The following HPSE variants were observed in gnomAD, a reference collection of about 807,000 sequenced individuals.
The protein encoded by HPSE is heparanase.
In HPSE, 48 loss-of-function variants were observed where a neutral mutation model predicts 65.1. That is an observed-to-expected ratio of 0.74 (90% confidence interval 0.58 to 0.94). HPSE has a LOEUF of 0.94. Among genes scored for constraint, HPSE ranks in the 40% least tolerant of loss-of-function variants. The pLI, the probability that HPSE is intolerant of heterozygous loss-of-function variation, is 0.00. For synonymous variants in HPSE, 243 were observed against 260.0 expected (o/e 0.93, Z 0.63); for missense variants, 644 against 637.5 (o/e 1.01, Z -0.11).
chr4:83,312,296 T>C (rs6535458), intron 4 of HPSE, among the ~76,000 whole-genome samples: 121,256 of 152,164 alleles, frequency 0.8, 48,462 homozygotes, highest in East Asian at 0.87. Context: ...ATAAATACAG[T>C]AGGAGTTTCT....
chr4:83,303,125 T>C (rs1386963952), intron 9 of HPSE, among the ~76,000 whole-genome samples: 1 of 123,082 alleles, frequency 8.1e-6, no homozygotes, highest in African/African-American at 2.9e-5. Context: ...CAGAAGCAGA[T>C]AATAAAGAAT....
intron 1 of HPSE, among the ~76,000 whole-genome samples, chr4:83,327,359 C>T (rs1443427456): frequency 6.6e-6 from 1 of 152,122 alleles, no homozygotes; most frequent in Non-Finnish European, 1.5e-5. Context: ...TTGTTTGTCT[C>T]CTTTGCAATG....
chr4:83,309,889 A>G, intron 6 of HPSE, 142 bp downstream of exon 6: 2 of 542,624 alleles, frequency 3.7e-6, no homozygotes, highest in Non-Finnish European at 6.6e-6. Flanking sequence ...TTAAAATTGG[A>G]GTACAGTGCT....
intron 3 of HPSE, among the ~76,000 whole-genome samples, chr4:83,319,003 A>C (rs1351291380): frequency 2.0e-5 from 3 of 152,126 alleles, no homozygotes; most frequent in African/African-American, 2.4e-5. Flanking sequence ...AATGATGTTC[A>C]TGTTTTGCCC....
At chr4:83,309,012 G>T in intron 7 of HPSE, 61 bp from the exon 8 acceptor site, 1 of 1,324,072 alleles carries the variant, frequency 7.6e-7, no homozygotes, top group Non-Finnish European at 1.1e-6. Context: ...TTTCAACTGT[G>T]GTGTTGAAGA....
At chr4:83,300,568 A>AAACTCTCTATT (rs1355408617) in intron 11 of HPSE, among the ~76,000 whole-genome samples, 19 of 86,160 alleles carry the variant, frequency 2.2e-4, no homozygotes, top group South Asian at 4.6e-4. Flanking sequence ...GAATTATTAC[A>AAACTCTCTATT]CTTTGGGAGG....
At chr4:83,310,269 T>A (rs1196918160) in intron 5 of HPSE, among the ~76,000 whole-genome samples, 191 bp from the exon 6 acceptor site, 1 of 152,164 alleles carries the variant, frequency 6.6e-6, no homozygotes, top group Non-Finnish European at 1.5e-5. Context: ...TCTGAACCCG[T>A]CAAAATTTCC....
intron 11 of HPSE, among the ~76,000 whole-genome samples, chr4:83,298,494 A>G (rs1578002217): frequency 6.6e-6 from 1 of 151,200 alleles, no homozygotes; most frequent in African/African-American, 2.4e-5. Context: ...AAAAAAACAG[A>G]TGTTCATTTA....
At chr4:83,309,283 G>C (rs1736273899) in intron 7 of HPSE, 119 bp downstream of exon 7, 1 of 637,912 alleles carries the variant, frequency 1.6e-6, no homozygotes, top group African/African-American at 1.9e-5. Flanking sequence ...ATAAGTCATA[G>C]TGCTTGTTCT....
rs144071619 is a variant in HPSE, at chr4:83,300,498, T to C, written c.1472+462A>G. ...GTGTTCACATCCTTTTGCTTTAGAC[T>C]CTTAGGGTGAGTTATACTCATATTA... On this transcript the variant is annotated intron_variant, in intron 11 of 11. Transcript: ENST00000311412. 1.8e-3 allele frequency among the ~76,000 whole-genome samples: 269 copies of C among 152,320 alleles called. 1 individual carries two copies. Among genetic ancestry groups the C allele is most frequent in the African/African-American group, 4.7e-3 (196 of 41,566 alleles).
chr4:83,302,433 G>C (rs559150111), intron 9 of HPSE, among the ~76,000 whole-genome samples, 165 bp from the exon 10 acceptor site: 11 of 148,046 alleles, frequency 7.4e-5, no homozygotes, highest in Non-Finnish European at 1.3e-4. Context: ...CCTCACATGT[G>C]ACCACCATGA....
intron 2 of HPSE, among the ~76,000 whole-genome samples, chr4:83,320,916 CT>C: frequency 6.7e-6 from 1 of 148,576 alleles, no homozygotes; most frequent in Middle Eastern, 3.5e-3. Flanking sequence ...TAAATAGAAA[CT>C]AGGTTGGGTG....
intron 2 of HPSE, among the ~76,000 whole-genome samples, chr4:83,320,665 G>A (rs925871639): frequency 6.6e-6 from 1 of 152,190 alleles, no homozygotes. Flanking sequence ...GGCTGCCAGG[G>A]CCGGCTGACT....
intron 1 of HPSE, among the ~76,000 whole-genome samples, chr4:83,324,752 A>G (rs1446078512): frequency 6.6e-6 from 1 of 152,206 alleles, no homozygotes; most frequent in Non-Finnish European, 1.5e-5. Context: ...AAATAAAAAT[A>G]AATTGTAGGG....
intron 1 of HPSE, among the ~76,000 whole-genome samples, chr4:83,329,643 G>A (rs1195577287): frequency 1.3e-5 from 2 of 152,158 alleles, no homozygotes; most frequent in Admixed American, 6.5e-5. Context: ...ATACCCACAG[G>A]ATGTCACTGA....
At position 83,302,145 on chromosome 4, in the gene HPSE, C is replaced by G. The variant is rs1390555159; in HGVS notation, c.1325+5G>C. 1.3e-6 allele frequency: 2 copies of G among 1,589,668 alleles called. No individual in the cohort carries two copies. On this transcript the variant is annotated splice_donor_5th_base_variant and intron_variant, in intron 10 of 11. Coordinates refer to ENST00000311412, the MANE Select transcript of HPSE (RefSeq NM_001098540.3). ...TGATTGGTAAAGGGTGTGTTTCATA[C>G]TTACTTGTCAGTGTTTGTGCAATGA...
chr4:83,322,790 TGTGTGTGTG>T (rs1348445504), intron 1 of HPSE, among the ~76,000 whole-genome samples: 3 of 70,480 alleles, frequency 4.3e-5, no homozygotes, highest in African/African-American at 2.8e-4. Context: ...AGAGCTTGTT[TGTGTGTGTG>T]TGTGTGTGTG....
chr4:83,304,886 G>T (rs1044322724), intron 9 of HPSE, among the ~76,000 whole-genome samples: 3 of 152,104 alleles, frequency 2.0e-5, no homozygotes, highest in Admixed American at 2.0e-4. Context: ...TCAGAAGCAG[G>T]ATTTGAATGG....
At chr4:83,334,529 G>T in intron 1 of HPSE, 27 bp downstream of exon 1, 1 of 1,553,828 alleles carries the variant, frequency 6.4e-7, no homozygotes, top group Non-Finnish European at 8.7e-7. Flanking sequence ...ACAGGAAAGG[G>T]GACAGGACCA....
Sources: gnomAD v4.1 joint callset for allele counts (sites outside exome capture counted in the v4.1 genomes callset) on GRCh38, gnomAD v4.1.1 for gene constraint, MANE v1.5 for transcripts, NCBI Gene and HGNC (gene_info 2026-07-23, HGNC 2026-07-21) for gene names.